Variants in UGGT1 observed in about 807,000 individuals in gnomAD.
UGGT1 encodes UDP-glucose:glycoprotein glucosyltransferase 1.
UGGT1 carries 107 observed loss-of-function variants against 203.9 expected under a neutral mutation model. That is an observed-to-expected ratio of 0.52 (90% confidence interval 0.45 to 0.62). UGGT1 has a LOEUF of 0.62. UGGT1 is among the 20% of genes least tolerant of loss of function. The pLI, the probability that UGGT1 is intolerant of heterozygous loss-of-function variation, is 0.00. For missense variants in UGGT1, 1,673 were observed against 1,867.2 expected (o/e 0.90, Z 1.92); for synonymous variants, 628 against 653.5 (o/e 0.96, Z 0.59).
chr2:128,155,352 C>T (rs1162552279), intron 19 of UGGT1, 137 bp from the exon 20 acceptor site: 3 of 633,398 alleles, frequency 4.7e-6, no homozygotes, highest in Non-Finnish European at 8.0e-6. Flanking sequence ...TGAAGTTGTT[C>T]AGTAAACATG....
chr2:128,119,000 T>G (rs1330808830), intron 8 of UGGT1, among the ~76,000 whole-genome samples: 2 of 152,096 alleles, frequency 1.3e-5, no homozygotes, highest in African/African-American at 4.8e-5. Context: ...TTTGTATAGG[T>G]TGAGTGTCTT....
At position 128,091,231 on chromosome 2, in the gene UGGT1, TGAGTC is replaced by T; in HGVS notation, c.-123_-119del. Reference sequence around the variant, plus strand: ...GCAATTGCTTTGCGAGGCTGGGTGTTGAGTCGAGCCGCGGGAAAGGCGCGTGTCGG... The same window carrying T: ...GCAATTGCTTTGCGAGGCTGGGTGTTGAGCCGCGGGAAAGGCGCGTGTCGG... On this transcript the variant is annotated 5_prime_UTR_variant, in exon 1 of 41. Coordinates refer to ENST00000259253, the MANE Select transcript of UGGT1 (RefSeq NM_020120.4). The T allele has an allele frequency of 9.3e-7, 1 of 1,075,788 alleles. No homozygotes were observed. Among genetic ancestry groups the T allele is most frequent in the South Asian group, 1.6e-5 (1 of 60,710 alleles). 66.6% of individuals were successfully genotyped at this position (1,075,788 alleles called of 1,614,324 possible). A position where few individuals can be genotyped will look rare whatever the true frequency, so the allele number is the denominator to read the frequency against.
intron 2 of UGGT1, 115 bp downstream of exon 2, chr2:128,097,679 C>T: frequency 7.5e-7 from 1 of 1,328,964 alleles, no homozygotes; most frequent in East Asian, 2.3e-5. Context: ...TTATGAAGAG[C>T]CTCTTTCAGT....
In UGGT1 at chr2:128,135,822, T is replaced by C. The variant is rs73955937; in HGVS notation, c.1583+861T>C. ...GTTTTTGGAGAAGTTGGATTTCAAATAGGCTTTGAGGAAAACAGAGGGTTC... is the reference window on the plus strand; with the variant it reads ...GTTTTTGGAGAAGTTGGATTTCAAACAGGCTTTGAGGAAAACAGAGGGTTC... On this transcript the variant is annotated intron_variant, in intron 15 of 40. Coordinates refer to ENST00000259253, the MANE Select transcript of UGGT1 (RefSeq NM_020120.4). Among the ~76,000 whole-genome samples, 1,446 of 152,324 alleles carry C rather than the reference T, an allele frequency of 9.5e-3. 22 individuals are homozygous for C. Among genetic ancestry groups the C allele is most frequent in the African/African-American group, 0.032 (1,321 of 41,572 alleles).
chr2:128,105,797 G>C (rs1449110046), intron 3 of UGGT1, among the ~76,000 whole-genome samples: 1 of 151,928 alleles, frequency 6.6e-6, no homozygotes. Context: ...TTATGGGTGT[G>C]AGTCACCAAG....
chr2:128,092,634 T>G (rs1686921334), intron 1 of UGGT1, among the ~76,000 whole-genome samples: 1 of 150,216 alleles, frequency 6.7e-6, no homozygotes, highest in Non-Finnish European at 1.5e-5. Flanking sequence ...AGATGGAGTT[T>G]CACTCTTGTT....
At chr2:128,094,254 T>G (rs1687002652) in intron 1 of UGGT1, among the ~76,000 whole-genome samples, 1 of 148,278 alleles carries the variant, frequency 6.7e-6, no homozygotes, top group African/African-American at 2.5e-5. Flanking sequence ...CAGGCCAGAT[T>G]AAAAAAAAAA....
At chr2:128,114,809 A>G (rs756577508) in intron 6 of UGGT1, among the ~76,000 whole-genome samples, 2 of 152,168 alleles carry the variant, frequency 1.3e-5, no homozygotes, top group Non-Finnish European at 2.9e-5. Flanking sequence ...AGCCTACAAC[A>G]TGTAAAGGAG....
intron 3 of UGGT1, among the ~76,000 whole-genome samples, chr2:128,104,407 G>A (rs1401408889): frequency 6.6e-6 from 1 of 152,180 alleles, no homozygotes; most frequent in Non-Finnish European, 1.5e-5. Flanking sequence ...CATTAAGTTA[G>A]TATCATCCAG....
intron 18 of UGGT1, among the ~76,000 whole-genome samples, chr2:128,150,668 CTTTT>C (rs1205834782): frequency 1.5e-5 from 2 of 136,698 alleles, no homozygotes; most frequent in African/African-American, 5.4e-5. Flanking sequence ...TAATTAATAA[CTTTT>C]TTTTTTTTTT....
chr2:128,117,382 C>A (rs1165993550), intron 8 of UGGT1, among the ~76,000 whole-genome samples: 1 of 151,998 alleles, frequency 6.6e-6, no homozygotes, highest in African/African-American at 2.4e-5. Context: ...GAGCCATGGC[C>A]CCCAGCTCAG....
intron 2 of UGGT1, among the ~76,000 whole-genome samples, chr2:128,101,839 T>G (rs1687387529): frequency 6.6e-6 from 1 of 152,188 alleles, no homozygotes; most frequent in African/African-American, 2.4e-5. Context: ...CCAATGCTGA[T>G]CTCCCGCAAT....
At chr2:128,127,319 A>G (rs1688652331) in intron 11 of UGGT1, 42 bp from the exon 12 acceptor site, 1 of 1,449,152 alleles carries the variant, frequency 6.9e-7, no homozygotes, top group Admixed American at 1.8e-5. Flanking sequence ...TTTTTTTAAA[A>G]CATTCTCTCA....
intron 13 of UGGT1, among the ~76,000 whole-genome samples, chr2:128,132,067 C>G (rs1688906121): frequency 1.3e-5 from 2 of 152,166 alleles, no homozygotes; most frequent in Admixed American, 1.3e-4. Flanking sequence ...TTGGTCTTGA[C>G]AAACTTTCAC....
chr2:128,114,997 T>G (rs1022173793), intron 6 of UGGT1, 127 bp from the exon 7 acceptor site: 22 of 800,502 alleles, frequency 2.7e-5, no homozygotes, highest in Non-Finnish European at 3.3e-5. Context: ...AAAAACAATT[T>G]AAAGATATTT....
At chr2:128,095,531 C>CTGTAA (rs1687081683) in intron 1 of UGGT1, among the ~76,000 whole-genome samples, 1 of 151,030 alleles carries the variant, frequency 6.6e-6, no homozygotes, top group Admixed American at 6.6e-5. Flanking sequence ...TCCTCCTGTC[C>CTGTAA]CGTAACTCCT....
chr2:128,125,496 C>G lies in UGGT1; in HGVS notation c.1135-1865C>G, dbSNP rs147187276. Among the ~76,000 whole-genome samples, 400 of 152,282 alleles carry G rather than the reference C, an allele frequency of 2.6e-3. 2 individuals are homozygous for G. The highest frequency in any genetic ancestry group is 9.4e-3 in the African/African-American group (389 of 41,556). On this transcript the variant is annotated intron_variant, in intron 11 of 40. Transcript: ENST00000259253. ...TTGTTGGTCTAACATTCAGCTTTCT[C>G]AGGGCTGTTGGGACAGTGACTCCTC...
At chr2:128,176,944 A>G (rs542057942) in intron 32 of UGGT1, 46 bp downstream of exon 32, 1 of 1,547,390 alleles carries the variant, frequency 6.5e-7, no homozygotes, top group East Asian at 2.2e-5. Context: ...GACAGCTGTC[A>G]TTTAAAAATA....
At chr2:128,119,026 A>G (rs1688255059) in intron 8 of UGGT1, among the ~76,000 whole-genome samples, 1 of 152,216 alleles carries the variant, frequency 6.6e-6, no homozygotes, top group Admixed American at 6.5e-5. Context: ...TGAAATGCTT[A>G]AACTAGAACT....
Sources: allele counts gnomAD v4.1 joint callset (sites outside exome capture counted in the v4.1 genomes callset), GRCh38; gene constraint gnomAD v4.1.1; transcripts MANE v1.5; gene names NCBI Gene and HGNC (gene_info 2026-07-23, HGNC 2026-07-21).